The following UNC80 variants were observed in gnomAD, a reference collection of about 807,000 sequenced individuals.
UNC80 encodes the protein unc-80 subunit of NALCN channel complex, also known as protein unc-80 homolog.
In UNC80, 164 loss-of-function variants were observed where a neutral mutation model predicts 384.6. The observed-to-expected ratio is 0.43, with a 90% CI of 0.38 to 0.49. The LOEUF (loss-of-function observed/expected upper bound fraction) is 0.49. UNC80 is among the 20% of genes least tolerant of loss of function. The pLI is 0.00. For missense variants in UNC80, 3,330 were observed against 4,143.0 expected, an observed-to-expected ratio of 0.80 and a Z score of 5.39; for synonymous variants, 1,486 against 1,527.8, an observed-to-expected ratio of 0.97 and a Z score of 0.64.
chr2:209,995,351 A>C lies in UNC80; in HGVS notation c.9731A>C (p.Glu3244Ala), dbSNP rs763107988. Residue 3244 changes from glutamate to alanine, a missense_variant, in exon 65 of 65, where the codon GAA becomes GCA. Glu to Ala is a moderately radical substitution (Grantham distance 107). This residue lies in a region of UNC80 where 236 missense variants were observed against 254.9 expected (regional missense o/e 0.93). Transcript: ENST00000673920. ...PKQSENFPTE[E>A]GEKEEDTEAQ... Reference sequence around the variant, plus strand: ...CAGAGTGAGAACTTCCCCACTGAAGAAGGAGAAAAGGAGGAGGACACAGAA... The same window carrying C: ...CAGAGTGAGAACTTCCCCACTGAAGCAGGAGAAAAGGAGGAGGACACAGAA... The C allele has an allele frequency of 6.4e-7, 1 of 1,552,182 alleles. No individual in the cohort carries two copies. Among genetic ancestry groups the C allele is most frequent in the South Asian group, 1.2e-5 (1 of 84,056 alleles).
intron 7 of UNC80, among the ~76,000 whole-genome samples, chr2:209,805,534 A>C (rs2078838738): frequency 6.6e-6 from 1 of 152,160 alleles, no homozygotes; most frequent in African/African-American, 2.4e-5. Context: ...TGAAGGCTTG[A>C]CTGGTCTGAA....
chr2:209,839,356 G>A lies in UNC80; in HGVS notation c.3176G>A (p.Gly1059Glu). ...DTSECTTAHS[G>E]TTSDRRARSR... Reference sequence around the variant, plus strand: ...TCAGAATGCACGACTGCCCACTCAGGGACCACCTCTGACCGACGTGCCCGC... The same window carrying A: ...TCAGAATGCACGACTGCCCACTCAGAGACCACCTCTGACCGACGTGCCCGC... The change falls in exon 19 of 65, where the codon GGG (glycine) becomes GAG (glutamate). Residue 1059 changes from glycine (G) to glutamate (E), a missense_variant. Transcript: ENST00000673920. The surrounding 1 kb of genome is among the most constrained non-coding windows in gnomAD (Gnocchi z 4.1). 1 of 1,551,792 alleles carries A rather than the reference G, an allele frequency of 6.4e-7. No homozygotes were observed. The highest frequency in any genetic ancestry group is 8.7e-7 in the Non-Finnish European group (1 of 1,147,060).
intron 25 of UNC80, 141 bp from the exon 26 acceptor site, chr2:209,887,954 A>G (rs1050762950): frequency 1.4e-5 from 9 of 664,650 alleles, no homozygotes; most frequent in Admixed American, 3.0e-5. Flanking sequence ...GCATGGTCAC[A>G]ATCTAAAATT....
chr2:209,782,959 C>G (rs540576831), intron 4 of UNC80, among the ~76,000 whole-genome samples: 2 of 151,498 alleles, frequency 1.3e-5, no homozygotes, highest in East Asian at 3.9e-4. Flanking sequence ...ATGCTAGCTA[C>G]TGTTCAATGT....
intron 59 of UNC80, 140 bp downstream of exon 59, chr2:209,978,848 G>C: frequency 1.3e-6 from 1 of 796,048 alleles, no homozygotes; most frequent in East Asian, 3.1e-5. Flanking sequence ...GGGGAAATGT[G>C]ACTGATTCCA....
At chr2:209,963,742 T>C (rs778020012) in intron 51 of UNC80, among the ~76,000 whole-genome samples, 1 of 152,186 alleles carries the variant, frequency 6.6e-6, no homozygotes, top group Non-Finnish European at 1.5e-5. Context: ...CACACAGAAT[T>C]CCAGGACAAT....
chr2:209,789,629 A>G (rs1237924191), intron 6 of UNC80, 24 bp downstream of exon 6: 2 of 1,543,076 alleles, frequency 1.3e-6, no homozygotes, highest in East Asian at 2.3e-5. Flanking sequence ...AATCATAAGA[A>G]GAAGGGAGGC....
In UNC80 at chr2:209,896,316, G is replaced by A; in HGVS notation, c.4484G>A (p.Gly1495Glu). 1 of 1,551,632 alleles carries A rather than the reference G, an allele frequency of 6.4e-7. No individual in the cohort carries two copies. Reference sequence around the variant, plus strand: ...TCTTGGTATTTTTCTTTTGAAGAAGGGAGTCCTTGGAGTGCAAGCGAGCCC... The same window carrying A: ...TCTTGGTATTTTTCTTTTGAAGAAGAGAGTCCTTGGAGTGCAAGCGAGCCC... ...QSRDTVTDLE[G>E]SPWSASEPSI... Residue 1495 changes from glycine (G) to glutamate (E), a missense_variant, in exon 28 of 65, where the codon GGG becomes GAG. Around this residue, in one of 8 missense-constraint regions of UNC80, gnomAD observed 801 missense variants for 950.8 expected, o/e 0.84. Transcript: ENST00000673920.
intron 18 of UNC80, 93 bp downstream of exon 18, chr2:209,835,103 C>T: frequency 1.9e-6 from 2 of 1,033,218 alleles, no homozygotes; most frequent in Non-Finnish European, 2.8e-6. Flanking sequence ...GTTTGTTTTT[C>T]ATCTCCTTTG....
intron 22 of UNC80, among the ~76,000 whole-genome samples, chr2:209,869,959 A>G (rs1168517104): frequency 2.6e-5 from 4 of 152,134 alleles, no homozygotes; most frequent in Non-Finnish European, 5.9e-5. Context: ...TCAGCAATAT[A>G]TTTTTAAGAA....
At chr2:209,802,028 C>T (rs1238305268) in intron 7 of UNC80, among the ~76,000 whole-genome samples, 1 of 151,882 alleles carries the variant, frequency 6.6e-6, no homozygotes, top group Non-Finnish European at 1.5e-5. Flanking sequence ...TGTATTTATC[C>T]ACTGATTTAC....
chr2:209,921,795 ATCTC>A, intron 34 of UNC80, 109 bp downstream of exon 34: 1 of 1,241,376 alleles, frequency 8.1e-7, no homozygotes, highest in South Asian at 1.7e-5. Context: ...GCCCCCTTCC[ATCTC>A]TCTCTCACTT....
At chr2:209,963,707 A>G (rs2092664560) in intron 51 of UNC80, among the ~76,000 whole-genome samples, 2 of 152,254 alleles carry the variant, frequency 1.3e-5, no homozygotes. Flanking sequence ...GCTGTTTAAA[A>G]TGATTTCTTT....
intron 7 of UNC80, chr2:209,796,333 T>C (rs2078153966): frequency 6.6e-6 from 1 of 152,262 alleles, no homozygotes; most frequent in Non-Finnish European, 1.5e-5. Flanking sequence ...TAACTTGCTT[T>C]TGATTTTACA....
intron 47 of UNC80, 22 bp downstream of exon 47, chr2:209,945,965 G>A (rs1434019147): frequency 6.7e-7 from 1 of 1,494,572 alleles, no homozygotes; most frequent in South Asian, 1.2e-5. Context: ...CCTTTATTCT[G>A]TGCCTTGTGA....
intron 29 of UNC80, among the ~76,000 whole-genome samples, chr2:209,905,553 A>G (rs1359395610): frequency 6.6e-6 from 1 of 152,188 alleles, no homozygotes; most frequent in Non-Finnish European, 1.5e-5. Flanking sequence ...AGAAGCAACC[A>G]CAGCCCCGCC....
rs1041668445 is a variant in UNC80 at position 209,913,816 on chromosome 2, G to T, written c.4905G>T (p.Ser1635=). ...TCTTTTCCCAGGTGATGAGCTTGTC[G>T]CCTGCTCCCTTATCTCTGTTAATCA... ...KYIRLQVMSL[S]PAPLSLLIKA... is the part of the protein sequence containing the mutation. Residue 1635 remains serine, a synonymous_variant, in exon 31 of 65, where the codon TCG becomes TCT. Coordinates refer to ENST00000673920, the MANE Select transcript of UNC80 (RefSeq NM_001371986.1). 1 of 1,547,256 alleles carries T rather than the reference G, an allele frequency of 6.5e-7. No homozygotes were observed. The highest frequency in any genetic ancestry group is 8.7e-7 in the Non-Finnish European group (1 of 1,143,728).
At position 209,995,529 on chromosome 2, in the gene UNC80, T is replaced by C. The variant is rs2093471015; in HGVS notation, c.9909T>C (p.Ser3303=). 3 of 1,551,852 alleles carry C rather than the reference T, an allele frequency of 1.9e-6. No homozygotes were observed. In the South Asian group the frequency reaches 3.6e-5, roughly 18 times the overall value. Residue 3303 remains serine (S), a synonymous_variant, in exon 65 of 65, where the codon AGT becomes AGC. Transcript: ENST00000673920. ...ENGMENPLLS[S]QFTFTPTELG... ...GCATGGAGAACCCGCTACTATCTAG[T>C]CAGTTCACCTTTACTCCCACTGAGC... is the stretch of plus-strand genomic sequence containing the variant.
At chr2:209,784,640 G>C (rs931958024) in intron 4 of UNC80, among the ~76,000 whole-genome samples, 1 of 152,102 alleles carries the variant, frequency 6.6e-6, no homozygotes, top group African/African-American at 2.4e-5. Context: ...TCTCAATAAG[G>C]CTTCACCTGA....
Sources: allele counts gnomAD v4.1 joint callset (sites outside exome capture counted in the v4.1 genomes callset), GRCh38; gene constraint gnomAD v4.1.1; regional missense constraint gnomAD v4.1.1; non-coding constraint Gnocchi (gnomAD v3.1); transcripts MANE v1.5; gene names NCBI Gene and HGNC (gene_info 2026-07-23, HGNC 2026-07-21).